The following SH3RF1 variants were observed in gnomAD, a reference collection of about 807,000 sequenced individuals.
SH3RF1 encodes the protein E3 ubiquitin-protein ligase SH3RF1.
Under a neutral mutation model 74.0 loss-of-function variants are expected in SH3RF1, and 32 were observed. The observed-to-expected ratio is 0.43, with a 90% CI of 0.33 to 0.58. SH3RF1 has a LOEUF of 0.58. SH3RF1 is among the 20% of genes least tolerant of loss of function. The probability of loss-of-function intolerance (pLI) is 0.05; values close to 1 mark genes in which losing one functional copy is unlikely to be tolerated. For missense variants in SH3RF1, 954 were observed against 1,130.9 expected (o/e 0.84, Z 2.24); for synonymous variants, 396 against 439.6 (o/e 0.90, Z 1.24).
chr4:169,116,515 T>A lies in SH3RF1; in HGVS notation c.1893A>T (p.Pro631=), dbSNP rs1201802266. 1.2e-6 allele frequency: 2 copies of A among 1,613,134 alleles called. No homozygotes were observed. Among genetic ancestry groups the A allele is most frequent in the Non-Finnish European group, 1.7e-6 (2 of 1,179,658 alleles). ...VGLSHHSLAS[P]QPAPLMPGSA... ...AGCCTGGCATCAGAGGCGCAGGTTGTGGGGAGGCCAGCGAGTGATGGGACA... is the reference window on the plus strand; with the variant it reads ...AGCCTGGCATCAGAGGCGCAGGTTGAGGGGAGGCCAGCGAGTGATGGGACA... The change falls in exon 10 of 12, where the codon CCA becomes CCT. Residue 631 remains proline (P), a synonymous_variant. Coordinates refer to ENST00000284637, the MANE Select transcript of SH3RF1 (RefSeq NM_020870.4).
At chr4:169,197,697 A>G (rs562803655) in intron 2 of SH3RF1, among the ~76,000 whole-genome samples, 12 of 152,008 alleles carry the variant, frequency 7.9e-5, no homozygotes, top group African/African-American at 2.4e-4. Flanking sequence ...AATTGTGTAC[A>G]GAATGATGTA....
At position 169,116,476 on chromosome 4, in the gene SH3RF1, A is replaced by T; in HGVS notation, c.1932T>A (p.Thr644=). Residue 644 remains threonine, a synonymous_variant, in exon 10 of 12, where the codon ACT becomes ACA. Transcript: ENST00000284637. The part of the protein sequence containing the change: ...APLMPGSATH[T]AAISISRASA... ...TGGCTCGACTGATACTGATGGCAGC[A>T]GTGTGCGTGGCTGAGCCTGGCATCA... The T allele has an allele frequency of 6.2e-7, 1 of 1,613,960 alleles. No individual in the cohort carries two copies. Among genetic ancestry groups the T allele is most frequent in the South Asian group, 1.1e-5 (1 of 91,030 alleles).
intron 5 of SH3RF1, among the ~76,000 whole-genome samples, chr4:169,134,108 G>A (rs1280219007): frequency 6.6e-6 from 1 of 152,114 alleles, no homozygotes; most frequent in African/African-American, 2.4e-5. Flanking sequence ...AACCTCGGCT[G>A]GAGAAACCAG....
At chr4:169,214,119 G>A (rs753788925) in intron 2 of SH3RF1, among the ~76,000 whole-genome samples, 2 of 152,156 alleles carry the variant, frequency 1.3e-5, no homozygotes, top group African/African-American at 4.8e-5. Context: ...GTGGGGCCTC[G>A]AGGGAAGTGT....
chr4:169,136,953 G>A (rs1015138346), intron 4 of SH3RF1, among the ~76,000 whole-genome samples: 7 of 152,110 alleles, frequency 4.6e-5, no homozygotes, highest in Admixed American at 3.3e-4. Flanking sequence ...GTGAAATTTC[G>A]AGAAGAGCAA....
At chr4:169,212,838 C>A (rs141688897) in intron 2 of SH3RF1, among the ~76,000 whole-genome samples, 101 of 152,284 alleles carry the variant, frequency 6.6e-4, no homozygotes, top group Non-Finnish European at 1.3e-3. Flanking sequence ...CAAAAAAATC[C>A]TGCGTGCTCA....
At chr4:169,212,036 A>G (rs1426965942) in intron 2 of SH3RF1, among the ~76,000 whole-genome samples, 3 of 143,472 alleles carry the variant, frequency 2.1e-5, no homozygotes, top group African/African-American at 7.8e-5. Context: ...CTTGTTTTCT[A>G]ATTTTTTTTT....
rs561644511 is a variant in SH3RF1 at position 169,167,956 on chromosome 4, G to C, written c.394-11277C>G. On this transcript the variant is annotated intron_variant, in intron 2 of 11. Transcript: ENST00000284637. ...GTTCAAGATCAGCCTAGACAAAATA[G>C]TGAGTCCCTGTCTCTAAATAAAATT... 3.9e-5 allele frequency among the ~76,000 whole-genome samples: 6 copies of C among 152,226 alleles called. No homozygotes were observed. In the South Asian group the frequency reaches 6.2e-4, roughly 16 times the overall value.
chr4:169,186,526 A>C (rs1055874094), intron 2 of SH3RF1, among the ~76,000 whole-genome samples: 3 of 151,956 alleles, frequency 2.0e-5, no homozygotes, highest in African/African-American at 7.2e-5. Flanking sequence ...ACACTATTAT[A>C]AAAGGACCCT....
chr4:169,161,914 T>C (rs7655908), intron 2 of SH3RF1, among the ~76,000 whole-genome samples: 48,464 of 152,092 alleles, frequency 0.32, 8,039 homozygotes, highest in African/African-American at 0.4. Flanking sequence ...GCACGGTAGC[T>C]CACACCTGTA....
intron 2 of SH3RF1, among the ~76,000 whole-genome samples, chr4:169,261,134 T>C (rs1427033626): frequency 6.6e-6 from 1 of 152,138 alleles, no homozygotes; most frequent in Non-Finnish European, 1.5e-5. Context: ...TAGGTCCCTA[T>C]GGCTCCGCAT....
Position 169,136,436 on chromosome 4 carries a change from G to A in SH3RF1, c.950C>T (p.Ala317Val), listed in dbSNP as rs1733701875. ...CTCCATGGAGTGGCGGTTCTGGGATGCCTGGGAGGACTTGTTGGCCATAGT... is the reference window on the plus strand; with the variant it reads ...CTCCATGGAGTGGCGGTTCTGGGATACCTGGGAGGACTTGTTGGCCATAGT... ...SLTMANKSSQ[A>V]SQNRHSMEIS... The change falls in exon 5 of 12, where the codon GCA becomes GTA. Residue 317 changes from alanine to valine, a missense_variant. Coordinates refer to ENST00000284637, the MANE Select transcript of SH3RF1 (RefSeq NM_020870.4). 6.2e-7 allele frequency: 1 copy of A among 1,610,328 alleles called. No homozygotes were observed.
intron 3 of SH3RF1, among the ~76,000 whole-genome samples, chr4:169,156,157 A>G (rs1353550139): frequency 6.6e-6 from 1 of 152,216 alleles, no homozygotes; most frequent in Admixed American, 6.5e-5. Context: ...AAATAAATTC[A>G]GACTCTAAAT....
At chr4:169,122,965 T>A (rs1305558598) in intron 6 of SH3RF1, among the ~76,000 whole-genome samples, 1 of 152,134 alleles carries the variant, frequency 6.6e-6, no homozygotes, top group East Asian at 1.9e-4. Flanking sequence ...TGAAAATCAA[T>A]GGAGCAATTG....
chr4:169,144,779 A>C (rs1733845366), intron 4 of SH3RF1, among the ~76,000 whole-genome samples: 1 of 152,048 alleles, frequency 6.6e-6, no homozygotes, highest in Admixed American at 6.5e-5. Context: ...TTTTAAGGAA[A>C]GCTTATGTAA....
At chr4:169,106,047 G>GTA (rs980760311) in intron 11 of SH3RF1, among the ~76,000 whole-genome samples, 5 of 151,558 alleles carry the variant, frequency 3.3e-5, no homozygotes, top group African/African-American at 1.2e-4. Flanking sequence ...ATGTTAGTGT[G>GTA]TATATATATG....
chr4:169,203,879 T>C (rs1734950594), intron 2 of SH3RF1: 1 of 152,210 alleles, frequency 6.6e-6, no homozygotes, highest in Non-Finnish European at 1.5e-5. Context: ...ACTAAACAGA[T>C]AGGGTTTTAA....
At position 169,191,130 on chromosome 4, in the gene SH3RF1, A is replaced by G. The variant is rs540341638; in HGVS notation, c.394-34451T>C. On this transcript the variant is annotated intron_variant, in intron 2 of 11. Coordinates refer to ENST00000284637, the MANE Select transcript of SH3RF1 (RefSeq NM_020870.4). ...CAGCCAACATAATACTAAATGGGGAAAAGTTGAAATAATTCCCTCTGAGAA... is the reference window on the plus strand; with the variant it reads ...CAGCCAACATAATACTAAATGGGGAGAAGTTGAAATAATTCCCTCTGAGAA... Among the ~76,000 whole-genome samples the G allele has an allele frequency of 1.1e-4, 17 of 152,264 alleles. No individual in the cohort carries two copies. The South Asian group carries it at 3.5e-3, about 32-fold the overall frequency.
chr4:169,096,495 T>C lies in SH3RF1; in HGVS notation c.*24A>G, dbSNP rs1395668790. ...GCTACTTTGTTGTGTGAAGTGATTTTAAGCTTCTTCAGTGTCAGTCTCCTC... is the reference window on the plus strand; with the variant it reads ...GCTACTTTGTTGTGTGAAGTGATTTCAAGCTTCTTCAGTGTCAGTCTCCTC... On this transcript the variant is annotated 3_prime_UTR_variant, in exon 12 of 12. Coordinates refer to ENST00000284637, the MANE Select transcript of SH3RF1 (RefSeq NM_020870.4). The C allele has an allele frequency of 6.2e-7, 1 of 1,607,434 alleles. No individual in the cohort carries two copies. Among genetic ancestry groups the C allele is most frequent in the East Asian group, 2.2e-5 (1 of 44,878 alleles).
Sources: allele counts gnomAD v4.1 joint callset (sites outside exome capture counted in the v4.1 genomes callset), GRCh38; gene constraint gnomAD v4.1.1; transcripts MANE v1.5; gene names NCBI Gene and HGNC (gene_info 2026-07-23, HGNC 2026-07-21).